The following DENND1B variants were observed in gnomAD, a reference collection of about 807,000 sequenced individuals.
DENND1B encodes DENN domain-containing protein 1B.
In DENND1B, 59 loss-of-function variants were observed where a neutral mutation model predicts 90.1. The ratio of observed to expected loss-of-function variants is 0.65; its 90% CI spans 0.53 to 0.81. DENND1B has a LOEUF of 0.81. Among genes scored for constraint, DENND1B ranks in the 40% least tolerant of loss-of-function variants. The pLI is 0.00. For missense variants in DENND1B, 862 were observed against 912.6 expected (o/e 0.94, Z 0.71); for synonymous variants, 337 against 324.6 (o/e 1.04, Z -0.41).
intron 8 of DENND1B, 106 bp downstream of exon 8, chr1:197,646,949 C>A: frequency 1.3e-6 from 1 of 760,422 alleles, no homozygotes; most frequent in South Asian, 2.2e-5. Context: ...GAGTCAAATT[C>A]ACCATTTCCC....
intron 16 of DENND1B, among the ~76,000 whole-genome samples, chr1:197,552,003 C>G (rs1225226857): frequency 6.6e-6 from 1 of 152,000 alleles, no homozygotes; most frequent in Non-Finnish European, 1.5e-5. Context: ...TCATTTGTAC[C>G]TCCTTTAATG....
chr1:197,772,813 T>A, intron 2 of DENND1B, 55 bp downstream of exon 2: 1 of 1,445,630 alleles, frequency 6.9e-7, no homozygotes, highest in Non-Finnish European at 9.4e-7. Flanking sequence ...CAGAATGAGA[T>A]CTTGTCCCAA....
At chr1:197,530,072 C>T (rs531255681) in intron 20 of DENND1B, among the ~76,000 whole-genome samples, 1 of 152,156 alleles carries the variant, frequency 6.6e-6, no homozygotes, top group Non-Finnish European at 1.5e-5. Context: ...GCCTCATCAA[C>T]AAAACGAGCA....
At chr1:197,549,916 G>A (rs550102015) in intron 16 of DENND1B, among the ~76,000 whole-genome samples, 2 of 151,860 alleles carry the variant, frequency 1.3e-5, no homozygotes, top group South Asian at 4.2e-4. Flanking sequence ...TGTGAATCTA[G>A]ATGTTCCTTA....
intron 5 of DENND1B, among the ~76,000 whole-genome samples, chr1:197,671,034 T>C (rs751578314): frequency 6.6e-6 from 1 of 152,204 alleles, no homozygotes; most frequent in African/African-American, 2.4e-5. Context: ...CTCTAACCAA[T>C]GTTGTAAGTA....
intron 18 of DENND1B, among the ~76,000 whole-genome samples, chr1:197,544,384 G>A (rs897154212): frequency 2.6e-5 from 4 of 152,126 alleles, no homozygotes; most frequent in African/African-American, 9.7e-5. Flanking sequence ...CATGAAATGA[G>A]GAGTAGCTAA....
At chr1:197,706,813 C>T (rs1057140950) in intron 3 of DENND1B, among the ~76,000 whole-genome samples, 1 of 152,062 alleles carries the variant, frequency 6.6e-6, no homozygotes, top group Non-Finnish European at 1.5e-5. Flanking sequence ...GGGAACTCCA[C>T]ACACTGTTGG....
intron 11 of DENND1B, among the ~76,000 whole-genome samples, 169 bp downstream of exon 11, chr1:197,617,489 CT>C (rs2125862417): frequency 6.6e-6 from 1 of 151,242 alleles, no homozygotes; most frequent in Non-Finnish European, 1.5e-5. Context: ...CTTGCGCTAC[CT>C]TTGTACAGAA....
chr1:197,656,047 TAAATTTTATTCTAAGAA>T (rs1653788489), intron 6 of DENND1B, among the ~76,000 whole-genome samples: 1 of 152,154 alleles, frequency 6.6e-6, no homozygotes, highest in Non-Finnish European at 1.5e-5. Flanking sequence ...CATACAAGTT[TAAATTTTATTCTAAGAA>T]AAAGAGGAGA....
At position 197,592,611 on chromosome 1, in the gene DENND1B, A is replaced by C. The variant is rs545033928; in HGVS notation, c.1047+2597T>G. On this transcript the variant is annotated intron_variant, in intron 14 of 22. Coordinates refer to ENST00000620048, the MANE Select transcript of DENND1B (RefSeq NM_001195215.2). The stretch of plus-strand genomic sequence containing the variant: ...TTAAAAGCGTTGCCAGGAAGAAAGA[A>C]CACTATAAGTAAATGTGTGGAAGCC... Among the ~76,000 whole-genome samples, 601 of 152,292 alleles carry C rather than the reference A, an allele frequency of 3.9e-3. 3 individuals carry two copies. Among genetic ancestry groups the C allele is most frequent in the African/African-American group, 0.013 (554 of 41,552 alleles).
At chr1:197,688,489 A>C (rs1312654563) in intron 3 of DENND1B, among the ~76,000 whole-genome samples, 2 of 152,110 alleles carry the variant, frequency 1.3e-5, no homozygotes, top group African/African-American at 4.8e-5. Flanking sequence ...CCAATGGAAC[A>C]AAATAGAGAG....
chr1:197,604,032 T>C (rs1676440412), intron 13 of DENND1B, among the ~76,000 whole-genome samples: 1 of 151,208 alleles, frequency 6.6e-6, no homozygotes, highest in African/African-American at 2.4e-5. Flanking sequence ...CAAACTATAC[T>C]ACAGATGTTT....
intron 18 of DENND1B, among the ~76,000 whole-genome samples, chr1:197,544,998 GGAAGACGACGACGACGACGACGAAAGA>G (rs1670677669): frequency 1.4e-4 from 5 of 36,030 alleles, no homozygotes; most frequent in East Asian, 9.5e-4. Context: ...GAAGGAAGAA[GGAAGACGACGACGACGACGACGAAAGA>G]AGGAGGAGAA....
intron 2 of DENND1B, among the ~76,000 whole-genome samples, chr1:197,766,669 T>G (rs758125328): frequency 4.6e-5 from 7 of 152,202 alleles, no homozygotes; most frequent in Non-Finnish European, 1.0e-4. Flanking sequence ...CTATTTCTAA[T>G]GCCCCTGTAC....
chr1:197,615,769 A>G (rs1418286987), intron 11 of DENND1B, among the ~76,000 whole-genome samples: 3 of 150,938 alleles, frequency 2.0e-5, no homozygotes, highest in Non-Finnish European at 4.5e-5. Flanking sequence ...TTGTGACCTT[A>G]AGGTTCAGGA....
rs79341789 is a variant in DENND1B at position 197,655,291 on chromosome 1, C to T, written c.367-2976G>A. Among the ~76,000 whole-genome samples, 694 of 152,240 alleles carry T rather than the reference C, an allele frequency of 4.6e-3. 10 individuals carry two copies. Among genetic ancestry groups the T allele is most frequent in the African/African-American group, 0.015 (631 of 41,542 alleles). On this transcript the variant is annotated intron_variant, in intron 6 of 22. Coordinates refer to ENST00000620048, the MANE Select transcript of DENND1B (RefSeq NM_001195215.2). The stretch of plus-strand genomic sequence containing the variant: ...AAACTGAATATTAGAAACTTTCTAA[C>T]GTATTTTTACTTATTCTACACCTTT...
In DENND1B at chr1:197,510,250, C is replaced by T. The variant is rs1222916186; in HGVS notation, c.*210G>A. 3.4e-6 allele frequency: 2 copies of T among 581,310 alleles called. No homozygotes were observed. Among genetic ancestry groups the T allele is most frequent in the Non-Finnish European group, 5.9e-6 (2 of 341,358 alleles). 36.0% of individuals were successfully genotyped at this position (581,310 alleles called of 1,614,324 possible). On this transcript the variant is annotated 3_prime_UTR_variant, in exon 23 of 23. Coordinates refer to ENST00000620048, the MANE Select transcript of DENND1B (RefSeq NM_001195215.2). ...TACATACTTTAAACATACATACACA[C>T]TAGTACCTGATTTAAAAGCACAGTA...
In DENND1B at chr1:197,509,355, G is replaced by A. The variant is rs1336049302; in HGVS notation, c.*1105C>T. On this transcript the variant is annotated 3_prime_UTR_variant, in exon 23 of 23. Transcript: ENST00000620048. ...CCAACTCAATATAGTGTGGTATTCT[G>A]AATAGGATCTTGATGTGGAAAATGG... 1 of 151,770 alleles carries A rather than the reference G, an allele frequency of 6.6e-6. No individual in the cohort carries two copies. The highest frequency in any genetic ancestry group is 1.5e-5 in the Non-Finnish European group (1 of 67,830). The allele number at this position is 151,770 out of a possible 1,614,324, so 9.4% of individuals were successfully genotyped here.
rs143813326 is a variant in DENND1B, at chr1:197,725,040, G to A, written c.83-9966C>T. ...TACCAGACTGTGTATAATGGAAGAG[G>A]GAAGAAAATAATATTAGAAGAAATA... On this transcript the variant is annotated intron_variant, in intron 2 of 22. Transcript: ENST00000620048. 2.2e-3 allele frequency among the ~76,000 whole-genome samples: 337 copies of A among 151,988 alleles called. 2 individuals carry two copies. The highest frequency in any genetic ancestry group is 7.8e-3 in the African/African-American group (323 of 41,450).
Sources: allele counts gnomAD v4.1 joint callset (sites outside exome capture counted in the v4.1 genomes callset), GRCh38; gene constraint gnomAD v4.1.1; transcripts MANE v1.5; gene names NCBI Gene and HGNC (gene_info 2026-07-23, HGNC 2026-07-21).